The following SYT16 variants were observed in gnomAD, a reference collection of about 807,000 sequenced individuals.
SYT16 encodes synaptotagmin 16, also known as synaptotagmin-16.
In SYT16, 42 loss-of-function variants were observed where a neutral mutation model predicts 61.4. That is an observed-to-expected ratio of 0.68 (90% CI 0.53 to 0.89). The LOEUF (loss-of-function observed/expected upper bound fraction) is 0.89, where lower values mean the gene tolerates loss of function less well. SYT16 is among the 40% of genes least tolerant of loss of function. SYT16 has a pLI of 0.00. For missense variants in SYT16, 804 were observed against 807.3 expected, an observed-to-expected ratio of 1.00 and a Z score of 0.05; for synonymous variants, 314 against 302.3, an observed-to-expected ratio of 1.04 and a Z score of -0.40.
Position 61,965,900 on chromosome 14 carries a change from G to T in SYT16, c.-324-4232G>T, listed in dbSNP as rs150171150. ...AATGAACAAAAGAGACTCACAGAAG[G>T]ATACATTCTGGTAAAATTTTTGTGT... On this transcript the variant is annotated intron_variant, in intron 1 of 7. Transcript: ENST00000683842. Among the ~76,000 whole-genome samples, 711 of 152,090 alleles carry T rather than the reference G, an allele frequency of 4.7e-3. 3 individuals carry two copies. The highest frequency in any genetic ancestry group is 0.016 in the African/African-American group (672 of 41,524).
intron 3 of SYT16, among the ~76,000 whole-genome samples, chr14:62,034,328 G>C (rs1008354825): frequency 6.6e-6 from 1 of 152,106 alleles, no homozygotes; most frequent in Non-Finnish European, 1.5e-5. Flanking sequence ...AGTTACCATA[G>C]AACCCAGCAG....
At chr14:61,988,282 A>G (rs1211199402) in intron 2 of SYT16, among the ~76,000 whole-genome samples, 1 of 152,166 alleles carries the variant, frequency 6.6e-6, no homozygotes, top group African/African-American at 2.4e-5. Context: ...AAATTTTATT[A>G]TGTGTGTATC....
At chr14:62,095,499 GA>G in intron 7 of SYT16, among the ~76,000 whole-genome samples, 1 of 151,472 alleles carries the variant, frequency 6.6e-6, no homozygotes, top group South Asian at 2.1e-4. Context: ...TTTATAATAG[GA>G]ACAAAATATC....
chr14:62,056,473 G>A (rs2055560689), intron 3 of SYT16, among the ~76,000 whole-genome samples: 1 of 152,156 alleles, frequency 6.6e-6, no homozygotes, highest in Non-Finnish European at 1.5e-5. Context: ...ACAGGAAAGG[G>A]GATAAAGTCT....
At chr14:61,925,168 G>A (rs536729392) in intron 1 of SYT16, among the ~76,000 whole-genome samples, 22 of 152,330 alleles carry the variant, frequency 1.4e-4, no homozygotes, top group African/African-American at 5.0e-4. Flanking sequence ...TCTCTGGCAC[G>A]GTAACCTAGC....
At chr14:62,043,871 C>G (rs964476538) in intron 3 of SYT16, among the ~76,000 whole-genome samples, 1 of 151,950 alleles carries the variant, frequency 6.6e-6, no homozygotes, top group Non-Finnish European at 1.5e-5. Context: ...CAGAATCTTG[C>G]TATGTTACTG....
chr14:62,060,507 T>C (rs901253712), intron 3 of SYT16, among the ~76,000 whole-genome samples: 8 of 115,196 alleles, frequency 6.9e-5, no homozygotes, highest in Non-Finnish European at 8.2e-5. Context: ...CATAGGATGG[T>C]GAAATTTTTT....
At chr14:61,894,441 T>C (rs978017508) in intron 1 of SYT16, among the ~76,000 whole-genome samples, 1 of 152,150 alleles carries the variant, frequency 6.6e-6, no homozygotes, top group Non-Finnish European at 1.5e-5. Context: ...CTTTTTGGTT[T>C]TACAGAGATG....
intron 1 of SYT16, among the ~76,000 whole-genome samples, chr14:61,857,170 C>T (rs2046800891): frequency 6.6e-6 from 1 of 152,174 alleles, no homozygotes. Context: ...ACTGAGACAT[C>T]TAAGAAGGAT....
At chr14:62,016,689 G>A (rs146219814) in intron 3 of SYT16, among the ~76,000 whole-genome samples, 2,023 of 152,074 alleles carry the variant, frequency 0.013, 56 homozygotes, top group African/African-American at 0.046. Flanking sequence ...CTCCAGCCTG[G>A]GTGACAGAAC....
intron 3 of SYT16, among the ~76,000 whole-genome samples, chr14:62,047,457 G>A (rs2055045636): frequency 2.0e-5 from 3 of 152,010 alleles, no homozygotes; most frequent in South Asian, 2.1e-4. Context: ...CTAATTGAAT[G>A]CCCGTTATTT....
intron 3 of SYT16, among the ~76,000 whole-genome samples, chr14:62,053,720 A>G (rs2055413386): frequency 1.3e-5 from 2 of 152,258 alleles, no homozygotes; most frequent in Admixed American, 1.3e-4. Flanking sequence ...AGTCACGACT[A>G]CATAAACCTA....
intron 1 of SYT16, among the ~76,000 whole-genome samples, chr14:61,828,977 T>TTAG (rs1285375558): frequency 6.6e-6 from 1 of 152,198 alleles, no homozygotes; most frequent in Non-Finnish European, 1.5e-5. Flanking sequence ...GTCTATGGGC[T>TTAG]TAGACAGACA....
At chr14:61,835,230 T>C (rs1167196933) in intron 1 of SYT16, among the ~76,000 whole-genome samples, 1 of 151,240 alleles carries the variant, frequency 6.6e-6, no homozygotes, top group African/African-American at 2.4e-5. Flanking sequence ...ACACTGTAAA[T>C]GTTGTCTCAT....
intron 3 of SYT16, among the ~76,000 whole-genome samples, chr14:62,062,070 C>T (rs1325035238): frequency 2.0e-5 from 3 of 152,152 alleles, no homozygotes; most frequent in Middle Eastern, 3.2e-3. Context: ...TTGTATGTTA[C>T]TAATTGTAAT....
intron 1 of SYT16, among the ~76,000 whole-genome samples, chr14:61,924,198 G>A (rs1380754695): frequency 6.6e-6 from 1 of 152,178 alleles, no homozygotes; most frequent in African/African-American, 2.4e-5. Context: ...GATACAAAAG[G>A]TGGGGTTAAA....
chr14:61,907,059 G>A (rs966773725), intron 1 of SYT16, among the ~76,000 whole-genome samples: 2 of 152,222 alleles, frequency 1.3e-5, no homozygotes, highest in African/African-American at 2.4e-5. Flanking sequence ...AAGCCTAGTC[G>A]AGGCAGAGAC....
intron 1 of SYT16, among the ~76,000 whole-genome samples, chr14:61,945,734 T>A (rs2050400605): frequency 6.6e-6 from 1 of 151,758 alleles, no homozygotes; most frequent in Admixed American, 6.6e-5. Context: ...CGGGTGCCTG[T>A]AGTCCCAGCT....
intron 1 of SYT16, among the ~76,000 whole-genome samples, chr14:61,856,758 A>T (rs999752823): frequency 3.9e-5 from 6 of 152,204 alleles, no homozygotes; most frequent in African/African-American, 1.2e-4. Context: ...GGGAGTCATC[A>T]GCATTTGGGA....
Sources: allele counts gnomAD v4.1 joint callset (sites outside exome capture counted in the v4.1 genomes callset), GRCh38; gene constraint gnomAD v4.1.1; transcripts MANE v1.5; gene names NCBI Gene and HGNC (gene_info 2026-07-23, HGNC 2026-07-21).